ABCB1: variants seen among roughly 807,000 people sequenced by gnomAD.
ABCB1 encodes the protein ATP-dependent translocase ABCB1.
In ABCB1, 69 loss-of-function variants were observed where a neutral mutation model predicts 142.0. That is an observed-to-expected ratio of 0.49 (90% CI 0.40 to 0.59). The LOEUF (loss-of-function observed/expected upper bound fraction) is 0.59, where lower values mean the gene tolerates loss of function less well. Ranked by LOEUF, ABCB1 falls within the 20% of genes least tolerant of loss-of-function variation. The pLI is 0.00. For missense variants in ABCB1, 1,326 were observed against 1,554.7 expected (o/e 0.85, Z 2.47); for synonymous variants, 532 against 539.2 (o/e 0.99, Z 0.18).
intron 15 of ABCB1, among the ~76,000 whole-genome samples, chr7:87,545,637 T>A (rs1816743876): frequency 6.6e-6 from 1 of 152,216 alleles, no homozygotes; most frequent in Non-Finnish European, 1.5e-5. Flanking sequence ...CTATAACGGA[T>A]AACTCACCTT....
At chr7:87,628,766 A>C (rs891035895) in intron 1 of ABCB1, 3 of 1,058,312 alleles carry the variant, frequency 2.8e-6, no homozygotes, top group African/African-American at 3.3e-5. Flanking sequence ...CCCCTTAAGC[A>C]GGTGTGGGGG....
intron 1 of ABCB1, among the ~76,000 whole-genome samples, chr7:87,618,713 T>A (rs1820116571): frequency 6.6e-6 from 1 of 152,220 alleles, no homozygotes; most frequent in Non-Finnish European, 1.5e-5. Context: ...TACTAATCAG[T>A]TGACCTTGAG....
chr7:87,595,345 T>C, intron 3 of ABCB1, among the ~76,000 whole-genome samples: 1 of 152,150 alleles, frequency 6.6e-6, no homozygotes, highest in East Asian at 1.9e-4. Flanking sequence ...TGCAATGGAC[T>C]AACCTAAATG....
rs199907611 is a variant in ABCB1, at chr7:87,504,121, T to C, written c.*122A>G. ...ACGAAGTCTCTGAAGACTCTGAACT[T>C]GACTGAGGAAATGTTAAACAGATAC... On this transcript the variant is annotated 3_prime_UTR_variant, in exon 28 of 28. Coordinates refer to ENST00000622132, the MANE Select transcript of ABCB1 (RefSeq NM_001348946.2). 16 of 1,316,954 alleles carry C rather than the reference T, an allele frequency of 1.2e-5. No individual in the cohort carries two copies. The highest frequency in any genetic ancestry group is 1.7e-5 in the Non-Finnish European group (16 of 940,054). 81.6% of individuals were successfully genotyped at this position (1,316,954 alleles called of 1,614,324 possible).
intron 1 of ABCB1, among the ~76,000 whole-genome samples, chr7:87,666,170 T>C (rs993740593): frequency 2.6e-5 from 4 of 152,206 alleles, no homozygotes; most frequent in African/African-American, 9.7e-5. Context: ...GACTTTTTAG[T>C]AATAGCCATT....
At position 87,549,482 on chromosome 7, in the gene ABCB1, A is replaced by G. The variant is rs776309720; in HGVS notation, c.1591T>C (p.Leu531=). Residue 531 remains leucine, a synonymous_variant, in exon 14 of 28, where the codon TTG becomes CTG. Coordinates refer to ENST00000622132, the MANE Select transcript of ABCB1 (RefSeq NM_001348946.2). ...ATCCTCTGCTTCTGCCCACCACTCA[A>G]CTGGGCCCCTCTCTCTCCAACCAGG... The part of the protein sequence containing the change: ...DTLVGERGAQ[L]SGGQKQRIAI... 15 of 1,613,968 alleles carry G rather than the reference A, an allele frequency of 9.3e-6. No homozygotes were observed. In the Admixed American group the frequency reaches 1.5e-4, roughly 16 times the overall value.
intron 8 of ABCB1, among the ~76,000 whole-genome samples, chr7:87,560,500 A>G (rs1817515560): frequency 6.6e-6 from 1 of 152,158 alleles, no homozygotes; most frequent in Non-Finnish European, 1.5e-5. Flanking sequence ...TCTTCCCTAG[A>G]GCTAACCATT....
intron 25 of ABCB1, among the ~76,000 whole-genome samples, chr7:87,514,049 A>G (rs1815127863): frequency 6.6e-6 from 1 of 152,250 alleles, no homozygotes; most frequent in Admixed American, 6.5e-5. Context: ...ATGATTTAAG[A>G]GTAAACTGAA....
intron 1 of ABCB1, among the ~76,000 whole-genome samples, chr7:87,670,172 TA>T (rs1825683923): frequency 1.3e-5 from 2 of 152,244 alleles, no homozygotes; most frequent in Admixed American, 6.5e-5. Flanking sequence ...TATTCCTTTT[TA>T]TTCCTCTTTC....
chr7:87,600,297 C>G, intron 1 of ABCB1, 107 bp from the exon 2 acceptor site: 1 of 905,234 alleles, frequency 1.1e-6, no homozygotes, highest in South Asian at 1.4e-5. Flanking sequence ...TAAGAGGGAG[C>G]GCCCGCCGTT....
rs200519232 is a variant in ABCB1 at position 87,544,134 on chromosome 7, T to G, written c.2206A>C (p.Ile736Leu). The stretch of plus-strand genomic sequence containing the variant: ...CAAATGGGCATCACACTTACCCCTA[T>G]AATCTTTGAAAATATTATTGCAAAT... ...PAFAIIFSKI[I>L]GVFTRIDDPE... is the part of the protein sequence containing the mutation. Residue 736 changes from isoleucine (I) to leucine (L), a missense_variant, in exon 17 of 28, where the codon ATA (isoleucine) becomes CTA (leucine). Coordinates refer to ENST00000622132, the MANE Select transcript of ABCB1 (RefSeq NM_001348946.2). The G allele has an allele frequency of 1.4e-5, 23 of 1,613,930 alleles. No homozygotes were observed. Among genetic ancestry groups the G allele is most frequent in the Non-Finnish European group, 1.9e-5 (23 of 1,179,908 alleles).
chr7:87,547,419 G>T (rs1816831238), intron 14 of ABCB1, among the ~76,000 whole-genome samples: 1 of 152,032 alleles, frequency 6.6e-6, no homozygotes, highest in Non-Finnish European at 1.5e-5. Flanking sequence ...TTTCACTATA[G>T]ATTAATAAGG....
At chr7:87,672,078 G>A (rs1179220236) in intron 1 of ABCB1, among the ~76,000 whole-genome samples, 1 of 152,050 alleles carries the variant, frequency 6.6e-6, no homozygotes, top group Non-Finnish European at 1.5e-5. Context: ...CCAAAGATGG[G>A]AATGACTGAG....
intron 17 of ABCB1, among the ~76,000 whole-genome samples, chr7:87,543,665 C>T (rs969641238): frequency 1.3e-5 from 2 of 152,210 alleles, no homozygotes; most frequent in African/African-American, 2.4e-5. Context: ...TTGTTTTAAT[C>T]TTAGCAAGTG....
intron 1 of ABCB1, among the ~76,000 whole-genome samples, chr7:87,675,722 C>T (rs1165628342): frequency 1.4e-5 from 2 of 147,168 alleles, no homozygotes; most frequent in Admixed American, 6.7e-5. Flanking sequence ...AGAGAGAAAT[C>T]GGACCTTTCT....
chr7:87,509,232 G>C (rs1269897211), intron 26 of ABCB1, 43 bp downstream of exon 26: 14 of 1,594,568 alleles, frequency 8.8e-6, no homozygotes, highest in Non-Finnish European at 1.2e-5. Context: ...GGCCAGAGAG[G>C]CTGCCACATG....
chr7:87,623,325 C>T (rs1820293600), intron 1 of ABCB1, among the ~76,000 whole-genome samples: 1 of 152,198 alleles, frequency 6.6e-6, no homozygotes, highest in Non-Finnish European at 1.5e-5. Context: ...TCTGTTCGAA[C>T]TGAGGGTCAG....
chr7:87,648,049 G>A (rs954707501), intron 1 of ABCB1, among the ~76,000 whole-genome samples: 2 of 151,946 alleles, frequency 1.3e-5, no homozygotes, highest in Non-Finnish European at 2.9e-5. Flanking sequence ...GCCGGGCTTG[G>A]TGGTGGGCGC....
At chr7:87,581,789 C>T (rs181800232) in intron 4 of ABCB1, among the ~76,000 whole-genome samples, 1 of 152,278 alleles carries the variant, frequency 6.6e-6, no homozygotes, top group Admixed American at 6.5e-5. Context: ...TCCGCAAGTC[C>T]AAGTCCCCTT....
Sources: allele counts gnomAD v4.1 joint callset (sites outside exome capture counted in the v4.1 genomes callset), GRCh38; gene constraint gnomAD v4.1.1; transcripts MANE v1.5; gene names NCBI Gene and HGNC (gene_info 2026-07-23, HGNC 2026-07-21).